Variants in FHIT observed in about 807,000 individuals in gnomAD.
The protein encoded by FHIT is fragile histidine triad diadenosine triphosphatase, also known as bis(5'-adenosyl)-triphosphatase.
A neutral mutation model predicts 17.9 loss-of-function variants in FHIT; 19 were observed. The ratio of observed to expected loss-of-function variants is 1.06; its 90% CI spans 0.74 to 1.56. The LOEUF (loss-of-function observed/expected upper bound fraction) is 1.56. FHIT is among the 40% of genes most tolerant of loss of function. The pLI is 0.00. For missense variants in FHIT, 248 were observed against 189.2 expected, an observed-to-expected ratio of 1.31 and a Z score of -1.82; for synonymous variants, 81 against 69.7, an observed-to-expected ratio of 1.16 and a Z score of -0.81.
chr3:60,643,788 T>C (rs782488274), intron 4 of FHIT, among the ~76,000 whole-genome samples: 28 of 152,332 alleles, frequency 1.8e-4, no homozygotes, highest in Non-Finnish European at 2.2e-4. Flanking sequence ...AAGGAACGAA[T>C]TGGCAGAATA....
chr3:60,655,532 C>T (rs1344572537), intron 4 of FHIT, among the ~76,000 whole-genome samples: 2 of 152,066 alleles, frequency 1.3e-5, no homozygotes, highest in Admixed American at 6.6e-5. Context: ...CATTTTATCT[C>T]GACAGAACAA....
chr3:60,011,240 AC>A (rs1244982430), intron 7 of FHIT, 130 bp downstream of exon 7: 10 of 786,694 alleles, frequency 1.3e-5, no homozygotes, highest in Non-Finnish European at 2.0e-5. Context: ...TACGGCTCTA[AC>A]ACTGAGGGTC....
At chr3:59,887,746 A>G (rs17061347) in intron 8 of FHIT, among the ~76,000 whole-genome samples, 2,370 of 152,216 alleles carry the variant, frequency 0.016, 61 homozygotes, top group African/African-American at 0.054. Flanking sequence ...CATTCAGGTG[A>G]CTGCCCAAGA....
intron 5 of FHIT, among the ~76,000 whole-genome samples, chr3:60,450,805 C>A (rs552869250): frequency 3.3e-5 from 5 of 152,214 alleles, no homozygotes; most frequent in South Asian, 2.1e-4. Flanking sequence ...CAAGAAGGAA[C>A]CTGCTTGTAA....
At chr3:61,226,061 T>C (rs1343810143) in intron 1 of FHIT, among the ~76,000 whole-genome samples, 4 of 152,184 alleles carry the variant, frequency 2.6e-5, no homozygotes, top group Admixed American at 6.5e-5. Flanking sequence ...ACATTTCCAA[T>C]TTTCTACTAC....
intron 2 of FHIT, among the ~76,000 whole-genome samples, chr3:61,054,014 G>T (rs2034125249): frequency 6.6e-6 from 1 of 152,186 alleles, no homozygotes; most frequent in Non-Finnish European, 1.5e-5. Flanking sequence ...TCTGTCCAGA[G>T]GCTTGAAGAG....
chr3:60,511,206 G>A (rs114524213), intron 5 of FHIT, among the ~76,000 whole-genome samples: 1,695 of 152,170 alleles, frequency 0.011, 41 homozygotes, highest in African/African-American at 0.039. Flanking sequence ...GTTTTCACAA[G>A]GATTAACAGA....
chr3:61,074,199 A>G (rs1444339975), intron 2 of FHIT, among the ~76,000 whole-genome samples: 2 of 152,158 alleles, frequency 1.3e-5, no homozygotes, highest in African/African-American at 2.4e-5. Context: ...TAACCCATTT[A>G]TCTTATAGAA....
intron 2 of FHIT, among the ~76,000 whole-genome samples, chr3:61,078,942 T>G (rs1312191955): frequency 6.6e-6 from 1 of 152,174 alleles, no homozygotes; most frequent in Non-Finnish European, 1.5e-5. Context: ...TTAAAGAACA[T>G]TTTCTTCTAT....
At chr3:59,763,750 G>GCAAACAAA (rs34891258) in intron 8 of FHIT, among the ~76,000 whole-genome samples, 1 of 151,434 alleles carries the variant, frequency 6.6e-6, no homozygotes, top group South Asian at 2.1e-4. Context: ...AGTGGCAAGT[G>GCAAACAAA]CAAACACCCC....
intron 5 of FHIT, among the ~76,000 whole-genome samples, chr3:60,461,665 G>C (rs1159929696): frequency 1.3e-5 from 2 of 152,022 alleles, no homozygotes; most frequent in Non-Finnish European, 2.9e-5. Context: ...TTTTTCTTCT[G>C]CAAGTTACTT....
chr3:60,152,749 C>T (rs1576210387), intron 5 of FHIT, among the ~76,000 whole-genome samples: 1 of 152,310 alleles, frequency 6.6e-6, no homozygotes, highest in Non-Finnish European at 1.5e-5. Flanking sequence ...TTCCGTACCC[C>T]ACCAGCAGGG....
intron 3 of FHIT, among the ~76,000 whole-genome samples, chr3:60,934,090 C>G (rs1708081712): frequency 6.6e-6 from 1 of 152,136 alleles, no homozygotes; most frequent in Admixed American, 6.5e-5. Context: ...GCAGCTGCAG[C>G]AATCTGCAAT....
chr3:60,859,956 A>C (rs1462706132), intron 3 of FHIT, among the ~76,000 whole-genome samples: 2 of 150,160 alleles, frequency 1.3e-5, no homozygotes, highest in Admixed American at 6.7e-5. Context: ...AGGTAGGAGA[A>C]TTGCTTGAAC....
At chr3:60,057,449 T>C (rs972744526) in intron 5 of FHIT, among the ~76,000 whole-genome samples, 1 of 152,116 alleles carries the variant, frequency 6.6e-6, no homozygotes, top group African/African-American at 2.4e-5. Flanking sequence ...GTCCATACAA[T>C]GGAATATTAC....
At chr3:60,542,749 T>A (rs545693996) in intron 4 of FHIT, among the ~76,000 whole-genome samples, 210 of 152,332 alleles carry the variant, frequency 1.4e-3, no homozygotes, top group African/African-American at 4.5e-3. Flanking sequence ...AAATCATTCA[T>A]TTTGATGTAT....
At chr3:61,219,157 A>G (rs1197773903) in intron 1 of FHIT, among the ~76,000 whole-genome samples, 3 of 152,206 alleles carry the variant, frequency 2.0e-5, no homozygotes, top group Non-Finnish European at 4.4e-5. Flanking sequence ...ACATCTAAAC[A>G]TATAAAAGGT....
intron 5 of FHIT, among the ~76,000 whole-genome samples, chr3:60,258,056 G>A (rs924469515): frequency 9.5e-6 from 1 of 105,170 alleles, no homozygotes; most frequent in Non-Finnish European, 1.9e-5. Flanking sequence ...TTAAAAGTTG[G>A]AAATTAAATA....
chr3:60,213,852 A>G (rs1439627937), intron 5 of FHIT, among the ~76,000 whole-genome samples: 2 of 152,216 alleles, frequency 1.3e-5, no homozygotes, highest in African/African-American at 2.4e-5. Flanking sequence ...GGACATGTCA[A>G]TTTGAAAATG....
Sources: allele counts gnomAD v4.1 joint callset (sites outside exome capture counted in the v4.1 genomes callset), GRCh38; gene constraint gnomAD v4.1.1; transcripts MANE v1.5; gene names NCBI Gene and HGNC (gene_info 2026-07-23, HGNC 2026-07-21).